Variants in SGIP1 observed in about 807,000 individuals in gnomAD.
SGIP1 encodes the protein SH3GL interacting endocytic adaptor 1, also known as SH3-containing GRB2-like protein 3-interacting protein 1.
SGIP1 carries 38 observed loss-of-function variants against 107.5 expected under a neutral mutation model. The observed-to-expected ratio is 0.35, with a 90% CI of 0.27 to 0.46. The LOEUF is 0.46. SGIP1 is among the 20% of genes least tolerant of loss of function. SGIP1 has a pLI of 1.00. For missense variants in SGIP1, 929 were observed against 1,019.5 expected, an observed-to-expected ratio of 0.91 and a Z score of 1.21; for synonymous variants, 365 against 366.1, an observed-to-expected ratio of 1.00 and a Z score of 0.03.
intron 20 of SGIP1, among the ~76,000 whole-genome samples, chr1:66,733,230 C>T (rs756850739): frequency 6.6e-6 from 1 of 152,138 alleles, no homozygotes; most frequent in Non-Finnish European, 1.5e-5. Context: ...ATTATGAATG[C>T]TGAAAAGGCA....
At chr1:66,729,538 A>T (rs1488068843) in intron 20 of SGIP1, 119 bp downstream of exon 20, 1 of 1,284,534 alleles carries the variant, frequency 7.8e-7, no homozygotes, top group African/African-American at 1.5e-5. Flanking sequence ...CCACTCAGAT[A>T]TATTTGTAGA....
intron 17 of SGIP1, among the ~76,000 whole-genome samples, chr1:66,693,097 A>G (rs1379929796): frequency 6.6e-6 from 1 of 152,120 alleles, no homozygotes; most frequent in Non-Finnish European, 1.5e-5. Flanking sequence ...ACAGGTTATA[A>G]TATGAAAAAG....
At chr1:66,640,990 G>A (rs1571104178) in intron 5 of SGIP1, among the ~76,000 whole-genome samples, 1 of 152,024 alleles carries the variant, frequency 6.6e-6, no homozygotes, top group South Asian at 2.1e-4. Flanking sequence ...AGCTGAGATC[G>A]CACCACTGCA....
chr1:66,633,032 T>G (rs1252101226), intron 2 of SGIP1, 38 bp from the exon 3 acceptor site: 2 of 1,356,208 alleles, frequency 1.5e-6, no homozygotes, highest in Non-Finnish European at 2.1e-6. Flanking sequence ...CAAGAATGAT[T>G]CCTTATCATA....
chr1:66,604,819 T>C (rs2066517263), intron 1 of SGIP1, among the ~76,000 whole-genome samples: 1 of 152,246 alleles, frequency 6.6e-6, no homozygotes, highest in Admixed American at 6.5e-5. Flanking sequence ...TGAATCATTT[T>C]GAGTTCTTTC....
chr1:66,535,042 T>G (rs1411441150), intron 1 of SGIP1, among the ~76,000 whole-genome samples: 1 of 152,198 alleles, frequency 6.6e-6, no homozygotes, highest in African/African-American at 2.4e-5. Context: ...TCCAATGGAT[T>G]TTAGCCAAGT....
chr1:66,596,583 C>G (rs12058115), intron 1 of SGIP1, among the ~76,000 whole-genome samples: 7,668 of 151,680 alleles, frequency 0.051, 594 homozygotes, highest in African/African-American at 0.17. Context: ...AGTTCTCAAT[C>G]TGGTCCAAGG....
At chr1:66,644,794 T>A (rs1181591047) in intron 7 of SGIP1, among the ~76,000 whole-genome samples, 1 of 152,186 alleles carries the variant, frequency 6.6e-6, no homozygotes, top group East Asian at 1.9e-4. Flanking sequence ...CCAAAATGAT[T>A]GCTAAGAGAA....
intron 21 of SGIP1, among the ~76,000 whole-genome samples, chr1:66,736,180 TATAA>T (rs2094225245): frequency 1.7e-5 from 1 of 58,434 alleles, no homozygotes. Flanking sequence ...TATTCATAAA[TATAA>T]ATATTTATAC....
chr1:66,619,009 G>A (rs998175378), intron 1 of SGIP1, among the ~76,000 whole-genome samples: 1 of 152,122 alleles, frequency 6.6e-6, no homozygotes, highest in Non-Finnish European at 1.5e-5. Context: ...TGCTTCTGGG[G>A]GAGATACGTG....
intron 20 of SGIP1, among the ~76,000 whole-genome samples, chr1:66,732,628 T>C (rs2094066494): frequency 6.6e-6 from 1 of 152,190 alleles, no homozygotes; most frequent in Admixed American, 6.5e-5. Flanking sequence ...CTCAGCTTTC[T>C]TGATTTATGA....
intron 17 of SGIP1, chr1:66,695,045 T>C (rs542971756): frequency 1.1e-5 from 4 of 351,516 alleles, no homozygotes; most frequent in Non-Finnish European, 2.0e-5. Flanking sequence ...TTTGGAAACA[T>C]AGAAGGGGAT....
intron 15 of SGIP1, among the ~76,000 whole-genome samples, chr1:66,686,970 A>C (rs1391783321): frequency 2.0e-5 from 3 of 152,214 alleles, no homozygotes; most frequent in East Asian, 1.9e-4. Context: ...GTAAGGTAGA[A>C]ACAAGGCCTC....
At chr1:66,666,379 G>T in intron 8 of SGIP1, 1 of 177,956 alleles carries the variant, frequency 5.6e-6, no homozygotes, top group Non-Finnish European at 1.2e-5. Context: ...CTGTAGCCTT[G>T]TAGCATAGTT....
Position 66,690,196 on chromosome 1 carries a change from C to T in SGIP1, c.1450C>T (p.Pro484Ser). The T allele has an allele frequency of 6.2e-7, 1 of 1,614,060 alleles. No individual in the cohort carries two copies. Among genetic ancestry groups the T allele is most frequent in the Non-Finnish European group, 8.5e-7 (1 of 1,179,978 alleles). ...TCTTTTCTTCTCCTTACAGTCCAGA[C>T]CTTTTAGCCCTCCCATTCATTCTTC... is the stretch of plus-strand genomic sequence containing the variant. The part of the protein sequence containing the change: ...GKPGVGDVSR[P>S]FSPPIHSSSP... Residue 484 changes from proline (P) to serine (S), a missense_variant, in exon 17 of 25, where the codon CCT (proline) becomes TCT (serine). Coordinates refer to ENST00000371037, the MANE Select transcript of SGIP1 (RefSeq NM_032291.4).
chr1:66,739,517 A>T lies in SGIP1; in HGVS notation c.2214A>T (p.Ala738=). ...PIDGGVTKLQ[A]VLPPAVWNAE... is the part of the protein sequence containing the mutation. Reference sequence around the variant, plus strand: ...ACGGAGGAGTCACCAAGCTCCAGGCAGTGCTCCCACCAGCAGTCTGGTATG... The same window carrying T: ...ACGGAGGAGTCACCAAGCTCCAGGCTGTGCTCCCACCAGCAGTCTGGTATG... The change falls in exon 22 of 25, where the codon GCA becomes GCT. Residue 738 remains alanine (A), a synonymous_variant. Transcript: ENST00000371037. 6.2e-7 allele frequency: 1 copy of T among 1,613,976 alleles called. No homozygotes were observed. The highest frequency in any genetic ancestry group is 8.5e-7 in the Non-Finnish European group (1 of 1,180,026).
chr1:66,609,490 T>C (rs985922037), intron 1 of SGIP1, among the ~76,000 whole-genome samples: 2 of 152,184 alleles, frequency 1.3e-5, no homozygotes, highest in Non-Finnish European at 2.9e-5. Flanking sequence ...GTGGAGTGCT[T>C]AGAGTTACTG....
intron 8 of SGIP1, among the ~76,000 whole-genome samples, chr1:66,662,230 A>G (rs1180632393): frequency 6.6e-6 from 1 of 152,212 alleles, no homozygotes; most frequent in Non-Finnish European, 1.5e-5. Context: ...AAAATTCTCT[A>G]ACATTAATCA....
chr1:66,622,499 A>G (rs953174361), intron 1 of SGIP1, among the ~76,000 whole-genome samples: 4 of 152,192 alleles, frequency 2.6e-5, no homozygotes, highest in African/African-American at 9.6e-5. Flanking sequence ...TTGTCTGGTA[A>G]CATTATAACC....
Sources: gnomAD v4.1 joint callset for allele counts (sites outside exome capture counted in the v4.1 genomes callset) on GRCh38, gnomAD v4.1.1 for gene constraint, MANE v1.5 for transcripts, NCBI Gene and HGNC (gene_info 2026-07-23, HGNC 2026-07-21) for gene names.